DTWD2: variants seen among roughly 807,000 people sequenced by gnomAD.
The protein encoded by DTWD2 is tRNA-uridine aminocarboxypropyltransferase 2.
Under a neutral mutation model 31.8 loss-of-function variants are expected in DTWD2, and 39 were observed. The observed-to-expected ratio is 1.22, with a 90% CI of 0.95 to 1.60. The LOEUF (loss-of-function observed/expected upper bound fraction) is 1.60, where lower values mean the gene tolerates loss of function less well. Among genes scored for constraint, DTWD2 ranks in the 40% most tolerant of loss-of-function variants. DTWD2 has a pLI of 0.00. For missense variants in DTWD2, 515 were observed against 381.5 expected (o/e 1.35, Z -2.92); for synonymous variants, 180 against 142.8 (o/e 1.26, Z -1.86).
chr5:118,874,937 G>GA (rs1460315024), intron 4 of DTWD2, among the ~76,000 whole-genome samples: 6 of 151,350 alleles, frequency 4.0e-5, no homozygotes, highest in East Asian at 1.9e-4. Context: ...CAAAATTAAA[G>GA]AAAAAAAATG....
chr5:118,852,260 T>C (rs1248949417), intron 4 of DTWD2, among the ~76,000 whole-genome samples: 3 of 151,982 alleles, frequency 2.0e-5, no homozygotes, highest in Admixed American at 6.6e-5. Flanking sequence ...TTTCATATCA[T>C]TCAAACACAT....
intron 1 of DTWD2, among the ~76,000 whole-genome samples, chr5:118,985,636 T>C (rs899243431): frequency 2.0e-5 from 3 of 151,564 alleles, no homozygotes; most frequent in Non-Finnish European, 4.4e-5. Context: ...TTTTGCCTTC[T>C]GACTCTTACT....
intron 4 of DTWD2, among the ~76,000 whole-genome samples, chr5:118,861,079 A>T (rs1361991098): frequency 6.6e-6 from 1 of 152,186 alleles, no homozygotes; most frequent in African/African-American, 2.4e-5. Flanking sequence ...TTCTCTAATT[A>T]CTAATTAATG....
At chr5:118,958,265 T>G (rs913458635) in intron 1 of DTWD2, among the ~76,000 whole-genome samples, 2 of 152,046 alleles carry the variant, frequency 1.3e-5, no homozygotes, top group African/African-American at 2.4e-5. Context: ...CCATCCTGGC[T>G]AACACAGTGA....
At chr5:118,949,473 G>T (rs1437379977) in intron 1 of DTWD2, among the ~76,000 whole-genome samples, 1 of 152,212 alleles carries the variant, frequency 6.6e-6, no homozygotes, top group Non-Finnish European at 1.5e-5. Context: ...AAACAATTTG[G>T]TTGATAAGGC....
At chr5:118,929,315 A>C (rs1753873638) in intron 3 of DTWD2, among the ~76,000 whole-genome samples, 1 of 152,212 alleles carries the variant, frequency 6.6e-6, no homozygotes, top group Admixed American at 6.5e-5. Flanking sequence ...TTGAAAACCT[A>C]ATTTAGGAGT....
rs1331340925 is a variant in DTWD2, at chr5:118,838,049, A to AT, written c.*2867dup. ...TGGAGTCTTCAAGTTAGAGAAAATA[A>AT]TTTTTTCCCAATATAATTCTCCTAT... On this transcript the variant is annotated 3_prime_UTR_variant, in exon 6 of 6. Coordinates refer to ENST00000510708, the MANE Select transcript of DTWD2 (RefSeq NM_173666.4). 6.6e-6 allele frequency: 1 copy of AT among 152,164 alleles called. No individual in the cohort carries two copies. Among genetic ancestry groups the AT allele is most frequent in the Non-Finnish European group, 1.5e-5 (1 of 68,038 alleles). 9.4% of individuals were successfully genotyped at this position (152,164 alleles called of 1,614,324 possible).
intron 1 of DTWD2, among the ~76,000 whole-genome samples, chr5:118,979,261 G>A (rs1247173135): frequency 1.3e-5 from 2 of 151,498 alleles, no homozygotes; most frequent in Admixed American, 6.6e-5. Context: ...CAAAGACTGT[G>A]CCACTGCACT....
chr5:118,984,606 T>C (rs1177410949), intron 1 of DTWD2, among the ~76,000 whole-genome samples: 1 of 152,210 alleles, frequency 6.6e-6, no homozygotes, highest in Non-Finnish European at 1.5e-5. Context: ...TATGGTGTAT[T>C]ATAATTCTTA....
intron 1 of DTWD2, among the ~76,000 whole-genome samples, chr5:118,957,332 C>T (rs562524227): frequency 6.6e-6 from 1 of 152,060 alleles, no homozygotes; most frequent in African/African-American, 2.4e-5. Context: ...AGCAATTCTC[C>T]TGCCTCAGCC....
intron 3 of DTWD2, among the ~76,000 whole-genome samples, chr5:118,930,482 A>C (rs1248965241): frequency 6.6e-6 from 1 of 152,112 alleles, no homozygotes; most frequent in Non-Finnish European, 1.5e-5. Context: ...AAAATTAACA[A>C]CTTTTCTTAG....
intron 1 of DTWD2, among the ~76,000 whole-genome samples, chr5:118,980,570 A>G (rs546247934): frequency 7.9e-5 from 12 of 152,354 alleles, no homozygotes; most frequent in Middle Eastern, 3.4e-3. Flanking sequence ...GATGTTCAAC[A>G]TTATTAGTCA....
At chr5:118,935,718 C>T (rs966635021) in intron 3 of DTWD2, among the ~76,000 whole-genome samples, 2 of 152,150 alleles carry the variant, frequency 1.3e-5, no homozygotes, top group African/African-American at 2.4e-5. Flanking sequence ...TATTCACCTA[C>T]TTGAAGAGTT....
intron 1 of DTWD2, among the ~76,000 whole-genome samples, chr5:118,973,364 A>C (rs896418069): frequency 5.3e-5 from 8 of 151,926 alleles, no homozygotes; most frequent in African/African-American, 1.7e-4. Context: ...GGTCTTCACA[A>C]TTTGGTATGT....
At chr5:118,941,372 T>C (rs957743547) in intron 2 of DTWD2, among the ~76,000 whole-genome samples, 7 of 152,170 alleles carry the variant, frequency 4.6e-5, no homozygotes, top group Admixed American at 1.3e-4. Flanking sequence ...TTCCCCTTCC[T>C]GTGTCCAAGT....
At chr5:118,899,185 T>A (rs957862116) in intron 4 of DTWD2, among the ~76,000 whole-genome samples, 11 of 152,208 alleles carry the variant, frequency 7.2e-5, no homozygotes, top group African/African-American at 2.7e-4. Context: ...AGCACTGAAG[T>A]GCTGTCTAGA....
At chr5:118,969,864 A>T (rs1376658082) in intron 1 of DTWD2, among the ~76,000 whole-genome samples, 2 of 152,174 alleles carry the variant, frequency 1.3e-5, no homozygotes, top group Admixed American at 1.3e-4. Flanking sequence ...GCTTCAGAAA[A>T]TGGGTAATAA....
chr5:118,988,048 T>C, intron 1 of DTWD2: 1 of 706,342 alleles, frequency 1.4e-6, no homozygotes, highest in Non-Finnish European at 2.6e-6. Flanking sequence ...ACAGAACTGA[T>C]GTCTGCTCAT....
At chr5:118,891,893 A>C (rs1752984446) in intron 4 of DTWD2, among the ~76,000 whole-genome samples, 1 of 152,198 alleles carries the variant, frequency 6.6e-6, no homozygotes, top group Non-Finnish European at 1.5e-5. Context: ...AAAACCCACA[A>C]ACTTTTATAC....
Sources: gnomAD v4.1 joint callset for allele counts (sites outside exome capture counted in the v4.1 genomes callset) on GRCh38, gnomAD v4.1.1 for gene constraint, MANE v1.5 for transcripts, NCBI Gene and HGNC (gene_info 2026-07-23, HGNC 2026-07-21) for gene names.